The following PDS5B variants were observed in gnomAD, a reference collection of about 807,000 sequenced individuals.
The protein encoded by PDS5B is sister chromatid cohesion protein PDS5 homolog B.
Under a neutral mutation model 184.1 loss-of-function variants are expected in PDS5B, and 51 were observed. The observed-to-expected ratio is 0.28, with a 90% CI of 0.22 to 0.35. The LOEUF is 0.35. PDS5B is among the 10% of genes least tolerant of loss of function. The probability of loss-of-function intolerance (pLI) is 1.00; values close to 1 mark genes in which losing one functional copy is unlikely to be tolerated. For missense variants in PDS5B, 1,180 were observed against 1,723.3 expected, an observed-to-expected ratio of 0.68 and a Z score of 5.58; for synonymous variants, 566 against 569.2, an observed-to-expected ratio of 0.99 and a Z score of 0.08.
rs761386395 is a variant in PDS5B at position 32,770,642 on chromosome 13, T to C, written c.4065-12T>C. 1 of 1,604,136 alleles carries C rather than the reference T, an allele frequency of 6.2e-7. No individual in the cohort carries two copies. The highest frequency in any genetic ancestry group is 1.1e-5 in the South Asian group (1 of 88,654). ...TTTGATGCTATCCACATTTGGGTCT[T>C]CCCCAAAGCAGAGCAGAATCTCCTG... On this transcript the variant is annotated splice_polypyrimidine_tract_variant and intron_variant, in intron 32 of 34. Transcript: ENST00000315596.
At chr13:32,603,248 A>G (rs1480424746) in intron 1 of PDS5B, among the ~76,000 whole-genome samples, 1 of 152,156 alleles carries the variant, frequency 6.6e-6, no homozygotes, top group Non-Finnish European at 1.5e-5. Flanking sequence ...TAAGTCTTTA[A>G]TCCGTCTGGA....
intron 1 of PDS5B, among the ~76,000 whole-genome samples, chr13:32,639,858 A>G (rs1266007138): frequency 6.6e-6 from 1 of 152,248 alleles, no homozygotes; most frequent in African/African-American, 2.4e-5. Context: ...AACATGGCCC[A>G]GTATGGATTC....
At chr13:32,646,885 T>G (rs1484391492) in intron 1 of PDS5B, among the ~76,000 whole-genome samples, 1 of 152,220 alleles carries the variant, frequency 6.6e-6, no homozygotes, top group East Asian at 1.9e-4. Flanking sequence ...CTTCTAGATT[T>G]GCAGTTATAT....
At chr13:32,589,070 G>A (rs1015373920) in intron 1 of PDS5B, among the ~76,000 whole-genome samples, 2 of 152,176 alleles carry the variant, frequency 1.3e-5, no homozygotes, top group Admixed American at 6.5e-5. Context: ...TGTATATAAC[G>A]TATATTGGAA....
intron 3 of PDS5B, among the ~76,000 whole-genome samples, chr13:32,653,453 A>G (rs1197405552): frequency 6.6e-6 from 1 of 152,148 alleles, no homozygotes; most frequent in East Asian, 1.9e-4. Context: ...CAGTGGTGAA[A>G]AAAACCCAGG....
Position 32,716,683 on chromosome 13 carries a change from G to A in PDS5B, c.2123+6577G>A, listed in dbSNP as rs1380441876. On this transcript the variant is annotated intron_variant, in intron 19 of 34. Transcript: ENST00000315596. ...GGGAGGTGGGGGGGGTCAGCCCCCC[G>A]CCCGGCCAGCTGCCCCGTTTGGGAG... 9.1e-5 allele frequency among the ~76,000 whole-genome samples: 11 copies of A among 121,386 alleles called. No homozygotes were observed. In the East Asian group the frequency reaches 1.5e-3, roughly 17 times the overall value. 79.6% of individuals were successfully genotyped at this position (121,386 alleles called of 152,430 possible).
intron 3 of PDS5B, among the ~76,000 whole-genome samples, chr13:32,654,333 G>A (rs919440194): frequency 1.3e-5 from 2 of 152,128 alleles, no homozygotes; most frequent in Admixed American, 6.6e-5. Flanking sequence ...ATTGTCATCA[G>A]CAAACCCCTT....
intron 10 of PDS5B, among the ~76,000 whole-genome samples, chr13:32,682,010 A>T (rs1370744928): frequency 3.9e-5 from 6 of 152,354 alleles, no homozygotes; most frequent in African/African-American, 1.2e-4. Context: ...TGACATACAG[A>T]GATAACATGC....
At chr13:32,658,616 T>G (rs1280815678) in intron 5 of PDS5B, 85 bp downstream of exon 5, 5 of 650,928 alleles carry the variant, frequency 7.7e-6, no homozygotes, top group Non-Finnish European at 1.3e-5. Flanking sequence ...ACTGTTACAA[T>G]GAATATTAGA....
chr13:32,737,604 A>T (rs866085048), intron 21 of PDS5B, among the ~76,000 whole-genome samples: 8 of 152,186 alleles, frequency 5.3e-5, no homozygotes, highest in Non-Finnish European at 8.8e-5. Flanking sequence ...ACTGATTTTT[A>T]AAAAATATTT....
chr13:32,759,575 C>G (rs999058746), intron 28 of PDS5B, 53 bp from the exon 29 acceptor site: 2 of 891,430 alleles, frequency 2.2e-6, no homozygotes, highest in East Asian at 5.1e-5. Context: ...TTTGAACCAC[C>G]TGTAGATAGT....
At chr13:32,650,116 T>TA in intron 2 of PDS5B, 1 of 152,190 alleles carries the variant, frequency 6.6e-6, no homozygotes. Flanking sequence ...ATTTCTTTCC[T>TA]AATTTGGAGG....
chr13:32,601,020 A>G (rs2147350), intron 1 of PDS5B, among the ~76,000 whole-genome samples: 3 of 152,066 alleles, frequency 2.0e-5, no homozygotes, highest in Non-Finnish European at 4.4e-5. Context: ...GCCACTTTGT[A>G]GCCTTGAATA....
At chr13:32,647,413 G>T (rs761405974) in intron 1 of PDS5B, among the ~76,000 whole-genome samples, 1 of 152,206 alleles carries the variant, frequency 6.6e-6, no homozygotes, top group East Asian at 1.9e-4. Context: ...TGGGACTACA[G>T]GGGTGTGCCA....
chr13:32,614,297 A>AT (rs34622192), intron 1 of PDS5B, among the ~76,000 whole-genome samples: 3,294 of 136,962 alleles, frequency 0.024, 111 homozygotes, highest in African/African-American at 0.077. Flanking sequence ...TCACATTGGA[A>AT]TTTTTTTTTT....
chr13:32,729,974 T>A (rs551813129), intron 19 of PDS5B, among the ~76,000 whole-genome samples: 4 of 152,340 alleles, frequency 2.6e-5, no homozygotes, highest in African/African-American at 9.6e-5. Flanking sequence ...CAATTTTGGC[T>A]TTTGTTGCCA....
chr13:32,724,171 C>T (rs146024117), intron 19 of PDS5B, among the ~76,000 whole-genome samples: 245 of 152,198 alleles, frequency 1.6e-3, no homozygotes, highest in African/African-American at 5.7e-3. Flanking sequence ...GACTGGAGTG[C>T]AGTAGTCAGA....
At chr13:32,633,439 A>C (rs895161502) in intron 1 of PDS5B, among the ~76,000 whole-genome samples, 1 of 152,240 alleles carries the variant, frequency 6.6e-6, no homozygotes, top group Non-Finnish European at 1.5e-5. Context: ...AAAACCAGCT[A>C]TCCGTGTTTG....
intron 1 of PDS5B, among the ~76,000 whole-genome samples, chr13:32,617,850 ATT>A (rs1290082946): frequency 1.3e-5 from 2 of 152,188 alleles, no homozygotes; most frequent in Non-Finnish European, 2.9e-5. Context: ...TTCTTTATAT[ATT>A]CTGATTACTA....
Sources: gnomAD v4.1 joint callset for allele counts (sites outside exome capture counted in the v4.1 genomes callset) on GRCh38, gnomAD v4.1.1 for gene constraint, MANE v1.5 for transcripts, NCBI Gene and HGNC (gene_info 2026-07-23, HGNC 2026-07-21) for gene names.